PPM1H: variants seen among roughly 807,000 people sequenced by gnomAD.
PPM1H encodes protein phosphatase, Mg2+/Mn2+ dependent 1H.
In PPM1H, 27 loss-of-function variants were observed where a neutral mutation model predicts 54.9. That is an observed-to-expected ratio of 0.49 (90% confidence interval 0.36 to 0.68). The LOEUF (loss-of-function observed/expected upper bound fraction) is 0.68. PPM1H is among the 30% of genes least tolerant of loss of function. PPM1H has a pLI of 0.00. For synonymous variants in PPM1H, 305 were observed against 270.8 expected, an observed-to-expected ratio of 1.13 and a Z score of -1.24; for missense variants, 596 against 667.8, an observed-to-expected ratio of 0.89 and a Z score of 1.19.
At chr12:62,828,781 A>T (rs1220821534) in intron 2 of PPM1H, among the ~76,000 whole-genome samples, 4 of 152,244 alleles carry the variant, frequency 2.6e-5, no homozygotes, top group Non-Finnish European at 5.9e-5. Flanking sequence ...CCCAATTTTT[A>T]AAATGGGCAA....
chr12:62,856,045 T>C (rs1276993969), intron 1 of PPM1H, among the ~76,000 whole-genome samples: 5 of 152,240 alleles, frequency 3.3e-5, no homozygotes, highest in Admixed American at 6.5e-5. Flanking sequence ...GGCACTATTC[T>C]TGGCTCTGTG....
rs186661513 is a variant in PPM1H at position 62,705,018 on chromosome 12, C to G, written c.1074-11019G>C. On this transcript the variant is annotated intron_variant, in intron 6 of 9. Coordinates refer to ENST00000228705, the MANE Select transcript of PPM1H (RefSeq NM_020700.2). ...ATAGCAAGAGGCAACAGAGATTGCT[C>G]TCATTTTGCTGGTCAATGTTCTTTG... is the stretch of plus-strand genomic sequence containing the variant. Among the ~76,000 whole-genome samples, 155 of 152,312 alleles carry G rather than the reference C, an allele frequency of 1.0e-3. 1 individual carries two copies. The highest frequency in any genetic ancestry group is 3.7e-3 in the African/African-American group (153 of 41,570).
intron 4 of PPM1H, among the ~76,000 whole-genome samples, chr12:62,772,829 G>A (rs930059184): frequency 6.6e-6 from 1 of 152,174 alleles, no homozygotes; most frequent in Non-Finnish European, 1.5e-5. Context: ...GTAGTAGCGG[G>A]AGGCGCCAAG....
intron 4 of PPM1H, among the ~76,000 whole-genome samples, chr12:62,765,508 A>G (rs2076536933): frequency 1.3e-5 from 2 of 152,172 alleles, no homozygotes; most frequent in African/African-American, 2.4e-5. Flanking sequence ...CAGCAATACT[A>G]TACATAATCA....
chr12:62,650,557 C>G (rs2075809996), intron 9 of PPM1H, among the ~76,000 whole-genome samples: 1 of 152,202 alleles, frequency 6.6e-6, no homozygotes. Flanking sequence ...AGCTGCTCAC[C>G]TCATTCTCAC....
intron 9 of PPM1H, among the ~76,000 whole-genome samples, chr12:62,652,255 C>A (rs981992919): frequency 3.9e-5 from 6 of 152,134 alleles, no homozygotes; most frequent in African/African-American, 1.4e-4. Flanking sequence ...CTCTGTCATC[C>A]AGGCTGGAGT....
chr12:62,800,275 T>C lies in PPM1H; in HGVS notation c.756+1541A>G, dbSNP rs116895385. 1.9e-3 allele frequency among the ~76,000 whole-genome samples: 283 copies of C among 152,300 alleles called. 2 individuals are homozygous for C. Among genetic ancestry groups the C allele is most frequent in the Non-Finnish European group, 2.9e-3 (195 of 68,026 alleles). On this transcript the variant is annotated intron_variant, in intron 3 of 9. Coordinates refer to ENST00000228705, the MANE Select transcript of PPM1H (RefSeq NM_020700.2). ...CTATCCGGTTCTGGCAAGACGCTTCTAGCTGTTTTGACTTCATTTAACAGC... is the reference window on the plus strand; with the variant it reads ...CTATCCGGTTCTGGCAAGACGCTTCCAGCTGTTTTGACTTCATTTAACAGC...
chr12:62,726,863 C>A (rs1316288079), intron 5 of PPM1H, among the ~76,000 whole-genome samples: 1 of 152,128 alleles, frequency 6.6e-6, no homozygotes, highest in African/African-American at 2.4e-5. Flanking sequence ...AAGCAATAAG[C>A]CCAAAGTCTG....
chr12:62,690,705 C>G (rs1040305838), intron 7 of PPM1H, among the ~76,000 whole-genome samples: 21 of 152,238 alleles, frequency 1.4e-4, no homozygotes, highest in African/African-American at 5.1e-4. Context: ...CGTGCGGTGG[C>G]TCTTGCCTGT....
chr12:62,882,096 T>C (rs886740811), intron 1 of PPM1H, among the ~76,000 whole-genome samples: 3 of 152,140 alleles, frequency 2.0e-5, no homozygotes, highest in Non-Finnish European at 4.4e-5. Flanking sequence ...ACAATACTAA[T>C]AAATAAAATG....
Position 62,670,506 on chromosome 12 carries a change from C to T in PPM1H, c.1246-3177G>A, listed in dbSNP as rs1241190461. 2.6e-5 allele frequency among the ~76,000 whole-genome samples: 4 copies of T among 152,082 alleles called. No homozygotes were observed. The South Asian group carries it at 8.3e-4, about 31-fold the overall frequency. On this transcript the variant is annotated intron_variant, in intron 8 of 9. Coordinates refer to ENST00000228705, the MANE Select transcript of PPM1H (RefSeq NM_020700.2). The stretch of plus-strand genomic sequence containing the variant: ...CAGAGTCTGCCCTATGAGTAGGGTG[C>T]CAAACCCTCTTTAAAGTGCTTCCTG...
chr12:62,845,607 G>A (rs903648253), intron 1 of PPM1H, among the ~76,000 whole-genome samples: 1 of 152,298 alleles, frequency 6.6e-6, no homozygotes, highest in South Asian at 2.1e-4. Flanking sequence ...GGAACCTCAA[G>A]TGCTGCTGTT....
intron 1 of PPM1H, among the ~76,000 whole-genome samples, chr12:62,922,167 T>C (rs1371519824): frequency 2.6e-5 from 4 of 152,200 alleles, no homozygotes; most frequent in Admixed American, 6.5e-5. Context: ...GAGACTACTA[T>C]ACTCAATAGA....
At position 62,802,069 on chromosome 12, in the gene PPM1H, T is replaced by C; in HGVS notation, c.503A>G (p.His168Arg). The C allele has an allele frequency of 6.2e-7, 1 of 1,613,060 alleles. No homozygotes were observed. The highest frequency in any genetic ancestry group is 8.5e-7 in the Non-Finnish European group (1 of 1,179,576). The change falls in exon 3 of 10, where the codon CAC becomes CGC. Residue 168 changes from histidine (H) to arginine (R), a missense_variant. Coordinates refer to ENST00000228705, the MANE Select transcript of PPM1H (RefSeq NM_020700.2). Reference sequence around the variant, plus strand: ...GTCCTGCAGCTGCTCCGTGATGTGGTGCTGCAGCAGGCGTGACGCCACCAC... The same window carrying C: ...GTCCTGCAGCTGCTCCGTGATGTGGCGCTGCAGCAGGCGTGACGCCACCAC... ...AAVVASRLLQ[H>R]HITEQLQDIV...
chr12:62,700,204 G>C (rs163690), intron 6 of PPM1H, among the ~76,000 whole-genome samples: 1,924 of 152,124 alleles, frequency 0.013, 47 homozygotes, highest in African/African-American at 0.043. Context: ...TGGATTCCTC[G>C]CTTTAAAACT....
intron 1 of PPM1H, among the ~76,000 whole-genome samples, chr12:62,866,854 G>A (rs947758479): frequency 2.0e-5 from 3 of 151,804 alleles, no homozygotes; most frequent in African/African-American, 2.4e-5. Flanking sequence ...CTGTCACTTA[G>A]AATTGAGTCC....
chr12:62,812,928 C>G (rs1311959206), intron 2 of PPM1H, among the ~76,000 whole-genome samples: 1 of 151,550 alleles, frequency 6.6e-6, no homozygotes, highest in Non-Finnish European at 1.5e-5. Context: ...TTCAGGTATA[C>G]TGATCCCAGG....
intron 8 of PPM1H, among the ~76,000 whole-genome samples, chr12:62,682,177 T>C (rs1261728375): frequency 6.6e-6 from 1 of 152,262 alleles, no homozygotes; most frequent in African/African-American, 2.4e-5. Context: ...ATAGAATTAC[T>C]GTTACCATTT....
intron 5 of PPM1H, among the ~76,000 whole-genome samples, chr12:62,730,097 G>A (rs2076312200): frequency 6.6e-6 from 1 of 151,944 alleles, no homozygotes; most frequent in Non-Finnish European, 1.5e-5. Context: ...CCCTTTGACT[G>A]TAATTTTCCT....
Sources: gnomAD v4.1 joint callset for allele counts (sites outside exome capture counted in the v4.1 genomes callset) on GRCh38, gnomAD v4.1.1 for gene constraint, MANE v1.5 for transcripts, NCBI Gene and HGNC (gene_info 2026-07-23, HGNC 2026-07-21) for gene names.